Variants in TSHZ2 observed in about 807,000 individuals in gnomAD.
The protein encoded by TSHZ2 is teashirt zinc finger homeobox 2.
A neutral mutation model predicts 74.4 loss-of-function variants in TSHZ2; 21 were observed. That is an observed-to-expected ratio of 0.28 (90% CI 0.20 to 0.41). The LOEUF is 0.41. TSHZ2 is among the 10% of genes least tolerant of loss of function. The probability of loss-of-function intolerance (pLI) is 1.00; values close to 1 mark genes in which losing one functional copy is unlikely to be tolerated. For missense variants in TSHZ2, 1,244 were observed against 1,293.5 expected, an observed-to-expected ratio of 0.96 and a Z score of 0.59; for synonymous variants, 540 against 515.3, an observed-to-expected ratio of 1.05 and a Z score of -0.65.
At chr20:53,196,366 T>TAAAA (rs34385917) in intron 1 of TSHZ2, 32 of 109,674 alleles carry the variant, frequency 2.9e-4, no homozygotes, top group Admixed American at 1.5e-3. Flanking sequence ...AATCTGCTGC[T>TAAAA]AAAAAAAAAA....
At chr20:53,178,166 C>G (rs1032477994) in intron 1 of TSHZ2, 1 of 152,214 alleles carries the variant, frequency 6.6e-6, no homozygotes, top group African/African-American at 2.4e-5. Flanking sequence ...CCTGCTGTTC[C>G]TCTTCTGGAA....
In TSHZ2 at chr20:53,014,871, G is replaced by A. The variant is rs559174435; in HGVS notation, c.40+41538G>A. Among the ~76,000 whole-genome samples, 26 of 152,216 alleles carry A rather than the reference G, an allele frequency of 1.7e-4. No individual in the cohort carries two copies. In the South Asian group the frequency reaches 4.4e-3, roughly 26 times the overall value. The stretch of plus-strand genomic sequence containing the variant: ...TTCGTACAGAATGAGTCGTCTGTTC[G>A]TTTGTGTGCAATGAATGGATACATT... On this transcript the variant is annotated intron_variant, in intron 1 of 2. Coordinates refer to ENST00000371497, the MANE Select transcript of TSHZ2 (RefSeq NM_173485.6).
At chr20:52,982,808 T>C (rs550492392) in intron 1 of TSHZ2, among the ~76,000 whole-genome samples, 7 of 152,178 alleles carry the variant, frequency 4.6e-5, no homozygotes, top group Admixed American at 3.9e-4. Context: ...ATTTCTCCAG[T>C]GGTGATTTGA....
intron 1 of TSHZ2, among the ~76,000 whole-genome samples, chr20:52,994,255 A>G (rs1335590471): frequency 6.6e-6 from 1 of 152,242 alleles, no homozygotes; most frequent in Non-Finnish European, 1.5e-5. Flanking sequence ...GGAAGAAGGC[A>G]CCCAGTGAGG....
chr20:53,343,663 T>C (rs1980312920), intron 2 of TSHZ2, among the ~76,000 whole-genome samples: 1 of 152,192 alleles, frequency 6.6e-6, no homozygotes, highest in South Asian at 2.1e-4. Context: ...ACAAGGAAGC[T>C]GGAAGGCAGG....
At chr20:53,338,355 G>A (rs958310524) in intron 2 of TSHZ2, among the ~76,000 whole-genome samples, 1 of 152,140 alleles carries the variant, frequency 6.6e-6, no homozygotes, top group Non-Finnish European at 1.5e-5. Context: ...AAGCCCATTC[G>A]CCTCTCCAAG....
chr20:53,297,447 G>T (rs1169539698), intron 2 of TSHZ2, among the ~76,000 whole-genome samples: 1 of 151,950 alleles, frequency 6.6e-6, no homozygotes, highest in Non-Finnish European at 1.5e-5. Flanking sequence ...CTTACCCAAG[G>T]TAGTCTTGAA....
intron 1 of TSHZ2, among the ~76,000 whole-genome samples, chr20:53,243,822 C>CTTTTT (rs5841936): frequency 1.0e-4 from 15 of 145,688 alleles, no homozygotes; most frequent in Admixed American, 1.4e-4. Flanking sequence ...TGCTTGCTTG[C>CTTTTT]TTTTTTTTTT....
chr20:53,266,770 C>A (rs943853123), intron 2 of TSHZ2, among the ~76,000 whole-genome samples: 1 of 134,102 alleles, frequency 7.5e-6, no homozygotes, highest in Admixed American at 8.4e-5. Context: ...GGCCGATCGA[C>A]GATTTTTTTT....
chr20:53,364,085 G>A (rs1981167848), intron 2 of TSHZ2, among the ~76,000 whole-genome samples: 1 of 151,550 alleles, frequency 6.6e-6, no homozygotes, highest in African/African-American at 2.4e-5. Context: ...GGAGATGAGG[G>A]TGGTGAGTTT....
intron 1 of TSHZ2, among the ~76,000 whole-genome samples, chr20:52,989,444 A>C (rs892333008): frequency 1.1e-4 from 17 of 152,356 alleles, no homozygotes; most frequent in Admixed American, 3.9e-4. Context: ...ACTGTTAAAA[A>C]AATAAAATGA....
intron 1 of TSHZ2, among the ~76,000 whole-genome samples, chr20:53,014,993 C>T (rs968457636): frequency 2.0e-5 from 3 of 152,210 alleles, no homozygotes; most frequent in Admixed American, 6.5e-5. Context: ...TACCTCCCCA[C>T]CTCTCCAGTG....
At chr20:53,004,613 C>T (rs1403446132) in intron 1 of TSHZ2, among the ~76,000 whole-genome samples, 2 of 152,136 alleles carry the variant, frequency 1.3e-5, no homozygotes, top group African/African-American at 4.8e-5. Flanking sequence ...GAAGAGGAAG[C>T]CACACCATCC....
chr20:53,096,568 GCATCAT>G, intron 1 of TSHZ2, among the ~76,000 whole-genome samples: 1 of 151,796 alleles, frequency 6.6e-6, no homozygotes, highest in East Asian at 2.0e-4. Context: ...ATTATCATAA[GCATCAT>G]CATCATCATT....
At position 53,228,019 on chromosome 20, in the gene TSHZ2, GTTTTT is replaced by G. The variant is rs3971383; in HGVS notation, c.41-25465_41-25461del. Reference sequence around the variant, plus strand: ...GCTGATCTTTATAATTTCAAATGGTGTTTTTTTTTTTTTTTTTTTGATTCTGGTTT... The same window carrying G: ...GCTGATCTTTATAATTTCAAATGGTGTTTTTTTTTTTTTTGATTCTGGTTT... On this transcript the variant is annotated intron_variant, in intron 1 of 2. Coordinates refer to ENST00000371497, the MANE Select transcript of TSHZ2 (RefSeq NM_173485.6). 6.9e-5 allele frequency among the ~76,000 whole-genome samples: 7 copies of G among 101,434 alleles called. 1 individual carries two copies. The highest frequency in any genetic ancestry group is 2.2e-4 in the African/African-American group (6 of 27,530). The allele number at this position is 101,434 out of a possible 152,430, so 66.5% of individuals were successfully genotyped here. A position where few individuals can be genotyped will look rare whatever the true frequency, so the allele number is the denominator to read the frequency against.
chr20:53,247,180 GCA>G (rs545679070), intron 1 of TSHZ2, among the ~76,000 whole-genome samples: 7 of 152,152 alleles, frequency 4.6e-5, no homozygotes, highest in Non-Finnish European at 1.0e-4. Flanking sequence ...GTTATATGTG[GCA>G]TGACAGGGAT....
intron 1 of TSHZ2, among the ~76,000 whole-genome samples, chr20:53,093,510 G>A (rs1985948814): frequency 1.3e-5 from 2 of 152,256 alleles, no homozygotes; most frequent in African/African-American, 4.8e-5. Flanking sequence ...GTGGGCTCCA[G>A]CCATACTGAA....
At chr20:53,454,382 T>G (rs1241615868) in intron 2 of TSHZ2, among the ~76,000 whole-genome samples, 1 of 151,884 alleles carries the variant, frequency 6.6e-6, no homozygotes, top group Non-Finnish European at 1.5e-5. Flanking sequence ...GCCAATATGG[T>G]GACACCCCAT....
chr20:53,462,510 ACCCTG>A (rs1166314502), intron 2 of TSHZ2, among the ~76,000 whole-genome samples: 1 of 152,044 alleles, frequency 6.6e-6, no homozygotes, highest in Non-Finnish European at 1.5e-5. Flanking sequence ...CCCTACTGCC[ACCCTG>A]CCCCAGCCCT....
Sources: allele counts gnomAD v4.1 joint callset (sites outside exome capture counted in the v4.1 genomes callset), GRCh38; gene constraint gnomAD v4.1.1; transcripts MANE v1.5; gene names NCBI Gene and HGNC (gene_info 2026-07-23, HGNC 2026-07-21).